Variants in SCIN observed in about 807,000 individuals in gnomAD.
SCIN encodes the protein scinderin.
In SCIN, 91 loss-of-function variants were observed where a neutral mutation model predicts 91.8. That is an observed-to-expected ratio of 0.99 (90% confidence interval 0.84 to 1.18). SCIN has a LOEUF of 1.18. Among genes scored for constraint, SCIN ranks in the 50% most tolerant of loss-of-function variants. SCIN has a pLI of 0.00. For missense variants in SCIN, 1,087 were observed against 863.9 expected (o/e 1.26, Z -3.24); for synonymous variants, 367 against 312.6 (o/e 1.17, Z -1.84).
At chr7:12,614,034 A>G (rs908327098) in intron 4 of SCIN, among the ~76,000 whole-genome samples, 1 of 152,236 alleles carries the variant, frequency 6.6e-6, no homozygotes, top group East Asian at 1.9e-4. Context: ...TCAAAAATAC[A>G]TCTTAACGAT....
At chr7:12,638,543 C>G (rs1342449796) in intron 10 of SCIN, among the ~76,000 whole-genome samples, 4 of 152,190 alleles carry the variant, frequency 2.6e-5, no homozygotes, top group Non-Finnish European at 5.9e-5. Context: ...GTCAAGGGAG[C>G]TAAGACTCTA....
chr7:12,571,032 G>A (rs538892767), intron 1 of SCIN, 47 bp downstream of exon 1: 2 of 1,521,978 alleles, frequency 1.3e-6, no homozygotes, highest in African/African-American at 2.8e-5. Context: ...AGGCCGGCGA[G>A]GGGAGGGCGT....
intron 4 of SCIN, among the ~76,000 whole-genome samples, chr7:12,617,613 G>A (rs994483753): frequency 1.3e-5 from 2 of 152,088 alleles, no homozygotes; most frequent in African/African-American, 4.8e-5. Context: ...AATTTGTCCA[G>A]GGGAGATGTG....
intron 13 of SCIN, among the ~76,000 whole-genome samples, 176 bp from the exon 14 acceptor site, chr7:12,649,291 T>C (rs749754146): frequency 1.3e-5 from 2 of 152,188 alleles, no homozygotes; most frequent in Non-Finnish European, 2.9e-5. Context: ...ACTACTAGTT[T>C]GTGATGCCAA....
chr7:12,587,748 G>C lies in SCIN; in HGVS notation c.516+6527G>C, dbSNP rs1276454831. 2.0e-5 allele frequency among the ~76,000 whole-genome samples: 3 copies of C among 152,218 alleles called. No homozygotes were observed. The East Asian group carries it at 5.8e-4, about 29-fold the overall frequency. Reference sequence around the variant, plus strand: ...GGTGTAGGACAAATCAATTGGAAGGGAAGTGTGCTGGGCTCTTCTCAAAGA... The same window carrying C: ...GGTGTAGGACAAATCAATTGGAAGGCAAGTGTGCTGGGCTCTTCTCAAAGA... On this transcript the variant is annotated intron_variant, in intron 3 of 15. Coordinates refer to ENST00000297029, the MANE Select transcript of SCIN (RefSeq NM_001112706.3).
intron 4 of SCIN, among the ~76,000 whole-genome samples, chr7:12,605,197 G>A (rs931754568): frequency 5.9e-5 from 9 of 151,940 alleles, no homozygotes; most frequent in South Asian, 4.2e-4. Flanking sequence ...GACTACAGGC[G>A]CCCACCACCA....
intron 10 of SCIN, among the ~76,000 whole-genome samples, chr7:12,637,020 A>G (rs1012839031): frequency 3.9e-5 from 6 of 152,164 alleles, no homozygotes; most frequent in African/African-American, 1.4e-4. Flanking sequence ...AGCCTCTGGA[A>G]AGGACTATAG....
At chr7:12,598,913 A>C (rs926778054) in intron 3 of SCIN, among the ~76,000 whole-genome samples, 1 of 152,188 alleles carries the variant, frequency 6.6e-6, no homozygotes, top group Non-Finnish European at 1.5e-5. Flanking sequence ...GTCTCAAAAA[A>C]AAAGAGAGAG....
chr7:12,590,695 C>G (rs1468449482), intron 3 of SCIN, among the ~76,000 whole-genome samples: 1 of 151,916 alleles, frequency 6.6e-6, no homozygotes, highest in African/African-American at 2.4e-5. Context: ...CCTCATCGGC[C>G]TTTCTGTTGC....
chr7:12,638,033 G>A (rs1307939676), intron 10 of SCIN, among the ~76,000 whole-genome samples: 1 of 152,180 alleles, frequency 6.6e-6, no homozygotes. Flanking sequence ...ACTCTCCTAA[G>A]TTCAACTGCT....
Position 12,655,638 on chromosome 7 carries a change from T to A in SCIN, c.*2923T>A, listed in dbSNP as rs938049593. ...AAATGTAGGGTTACAGGTTCACCCATACACTGTTAATAGATGTATAAACTG... is the reference window on the plus strand; with the variant it reads ...AAATGTAGGGTTACAGGTTCACCCAAACACTGTTAATAGATGTATAAACTG... On this transcript the variant is annotated 3_prime_UTR_variant, in exon 16 of 16. Transcript: ENST00000297029. 1 of 152,242 alleles carries A rather than the reference T, an allele frequency of 6.6e-6. No individual in the cohort carries two copies. Among genetic ancestry groups the A allele is most frequent in the South Asian group, 2.1e-4 (1 of 4,836 alleles). The allele number at this position is 152,242 out of a possible 1,614,324, so 9.4% of individuals were successfully genotyped here.
At chr7:12,631,391 A>C (rs1198251453) in intron 9 of SCIN, among the ~76,000 whole-genome samples, 1 of 152,198 alleles carries the variant, frequency 6.6e-6, no homozygotes, top group Admixed American at 6.5e-5. Flanking sequence ...TCTTTGGATA[A>C]TTATATACAG....
chr7:12,648,143 T>C (rs1051115654), intron 13 of SCIN, among the ~76,000 whole-genome samples: 1 of 152,100 alleles, frequency 6.6e-6, no homozygotes, highest in African/African-American at 2.4e-5. Context: ...AACCCTTCCA[T>C]TACCCTTTAA....
At chr7:12,583,628 A>G (rs1028214419) in intron 3 of SCIN, among the ~76,000 whole-genome samples, 1 of 152,186 alleles carries the variant, frequency 6.6e-6, no homozygotes, top group East Asian at 1.9e-4. Flanking sequence ...CACTGAAAGC[A>G]GTAGTATTCA....
intron 14 of SCIN, among the ~76,000 whole-genome samples, chr7:12,650,050 G>T (rs181805651): frequency 2.0e-4 from 31 of 152,118 alleles, no homozygotes; most frequent in African/African-American, 7.0e-4. Flanking sequence ...GTGATTTGAC[G>T]TGCCACATCT....
chr7:12,651,863 A>G lies in SCIN; in HGVS notation c.1982A>G (p.Asp661Gly), dbSNP rs757426742. Residue 661 changes from aspartate (D) to glycine (G), a missense_variant, in exon 15 of 16, where the codon GAT becomes GGT. Physicochemically the swap from Asp to Gly is moderately conservative, Grantham distance 94. Transcript: ENST00000297029. This position sits in a 1 kb window ranked among gnomAD's most constrained non-coding sequence, Gnocchi z 5.9. ...WEQIFIWIGK[D>G]ANEVEKKESL... ...CAGATATTTATTTGGATTGGCAAAG[A>G]TGCTAATGAAGTTGAGAAAAAAGAA... The G allele has an allele frequency of 1.2e-6, 2 of 1,600,048 alleles. No homozygotes were observed. The highest frequency in any genetic ancestry group is 1.7e-6 in the Non-Finnish European group (2 of 1,170,774).
chr7:12,584,929 C>T (rs1782557001), intron 3 of SCIN, among the ~76,000 whole-genome samples: 1 of 152,170 alleles, frequency 6.6e-6, no homozygotes, highest in African/African-American at 2.4e-5. Context: ...ATGTCACAGT[C>T]AGCCACTAGT....
chr7:12,627,610 CT>C lies in SCIN; in HGVS notation c.1197+812del, dbSNP rs533263173. Among the ~76,000 whole-genome samples the C allele has an allele frequency of 2.0e-3, 309 of 152,274 alleles. 3 individuals are homozygous for C. Among genetic ancestry groups the C allele is most frequent in the Non-Finnish European group, 3.7e-3 (254 of 68,026 alleles). On this transcript the variant is annotated intron_variant, in intron 8 of 15. Coordinates refer to ENST00000297029, the MANE Select transcript of SCIN (RefSeq NM_001112706.3). The stretch of plus-strand genomic sequence containing the variant: ...CAAGAAATTAGGGAAATAATTTTTC[CT>C]CTTTTCAAAGACGTGAAGCGTGAAT...
At chr7:12,629,954 A>T (rs1211700752) in intron 9 of SCIN, among the ~76,000 whole-genome samples, 1 of 152,104 alleles carries the variant, frequency 6.6e-6, no homozygotes, top group Non-Finnish European at 1.5e-5. Context: ...GACGGCTGGA[A>T]AAAAGAAAAT....
Sources: gnomAD v4.1 joint callset for allele counts (sites outside exome capture counted in the v4.1 genomes callset) on GRCh38, gnomAD v4.1.1 for gene constraint, Gnocchi (gnomAD v3.1) non-coding constraint, MANE v1.5 for transcripts, NCBI Gene and HGNC (gene_info 2026-07-23, HGNC 2026-07-21) for gene names.